Variants in PROX1 observed in about 807,000 individuals in gnomAD.
PROX1 encodes prospero homeobox protein 1.
Under a neutral mutation model 58.8 loss-of-function variants are expected in PROX1, and 7 were observed. The observed-to-expected ratio is 0.12, with a 90% CI of 0.07 to 0.22. The LOEUF is 0.22. Ranked by LOEUF, PROX1 falls within the 10% of genes least tolerant of loss-of-function variation. PROX1 has a pLI of 1.00. For synonymous variants in PROX1, 350 were observed against 358.3 expected, an observed-to-expected ratio of 0.98 and a Z score of 0.26; for missense variants, 675 against 927.8, an observed-to-expected ratio of 0.73 and a Z score of 3.54.
chr1:214,039,174 G>C lies in PROX1; in HGVS notation c.*3340G>C, dbSNP rs1484153515. On this transcript the variant is annotated 3_prime_UTR_variant, in exon 5 of 5. Transcript: ENST00000366958. ...TATCTAGATTTAAGAACCTATTTTA[G>C]ACATTTGTTATGTTTTGTGAAAAGA... 1 of 152,070 alleles carries C rather than the reference G, an allele frequency of 6.6e-6. No individual in the cohort carries two copies. Among genetic ancestry groups the C allele is most frequent in the African/African-American group, 2.4e-5 (1 of 41,406 alleles). The allele number at this position is 152,070 out of a possible 1,614,324, so 9.4% of individuals were successfully genotyped here.
At chr1:214,023,748 G>T (rs1289087697) in intron 4 of PROX1, among the ~76,000 whole-genome samples, 3 of 152,058 alleles carry the variant, frequency 2.0e-5, no homozygotes, top group African/African-American at 7.2e-5. Context: ...ATTTCTTATG[G>T]CTATTGCACC....
In PROX1 at chr1:214,011,407, C is replaced by G. The variant is rs190916215; in HGVS notation, c.1834-114C>G. On this transcript the variant is annotated intron_variant, in intron 3 of 4. Transcript: ENST00000366958. ...GCCACCATTTTGGTGGAGTTAAATA[C>G]GTATCTTTCCAAGTAAAGAAGGGAC... is the stretch of plus-strand genomic sequence containing the variant. 24 of 946,060 alleles carry G rather than the reference C, an allele frequency of 2.5e-5. No individual in the cohort carries two copies. In the Admixed American group the frequency reaches 4.0e-4, roughly 16 times the overall value. 58.6% of individuals were successfully genotyped at this position (946,060 alleles called of 1,614,324 possible). A position where few individuals can be genotyped will look rare whatever the true frequency, so the allele number is the denominator to read the frequency against.
intron 3 of PROX1, among the ~76,000 whole-genome samples, chr1:214,006,216 C>T (rs1362566809): frequency 1.3e-5 from 2 of 151,336 alleles, no homozygotes; most frequent in South Asian, 2.1e-4. Context: ...GGAGAACTCA[C>T]AAGCTGCCAA....
In PROX1 at chr1:213,997,241, C is replaced by A. The variant is rs1374427033; in HGVS notation, c.706C>A (p.Arg236Ser). The change falls in exon 2 of 5, where the codon CGC (arginine) becomes AGC (serine). Residue 236 changes from arginine to serine, a missense_variant. Around this residue, in one of 8 missense-constraint regions of PROX1, gnomAD observed 403 missense variants for 477.4 expected, o/e 0.84. Coordinates refer to ENST00000366958, the MANE Select transcript of PROX1 (RefSeq NM_001270616.2). This position sits in a 1 kb window ranked among gnomAD's most constrained non-coding sequence, Gnocchi z 7.1. ...CCGAAAAGAACAGAAGCGAGAGGAG[C>A]GCCGACAGCTGAAACAGCAGCTGGA... ...SARKEQKREE[R>S]RQLKQQLEDM... 1.9e-6 allele frequency: 3 copies of A among 1,612,430 alleles called. No individual in the cohort carries two copies. Among genetic ancestry groups the A allele is most frequent in the Non-Finnish European group, 2.5e-6 (3 of 1,179,364 alleles).
chr1:214,016,521 G>T (rs1014885140), intron 4 of PROX1, among the ~76,000 whole-genome samples: 2 of 152,014 alleles, frequency 1.3e-5, no homozygotes, highest in African/African-American at 4.8e-5. Context: ...TTAAATAATC[G>T]CATAACACAC....
At chr1:214,002,148 G>GA (rs1663538665) in intron 2 of PROX1, among the ~76,000 whole-genome samples, 1 of 152,026 alleles carries the variant, frequency 6.6e-6, no homozygotes. Flanking sequence ...AGTTTAGCTG[G>GA]AAAAAAAGAA....
chr1:214,015,719 C>A (rs1168549079), intron 4 of PROX1, among the ~76,000 whole-genome samples: 1 of 152,040 alleles, frequency 6.6e-6, no homozygotes, highest in Non-Finnish European at 1.5e-5. Context: ...GCAGAATCAT[C>A]CAAAGGTTGG....
intron 4 of PROX1, among the ~76,000 whole-genome samples, chr1:214,025,577 C>A (rs778257556): frequency 6.6e-6 from 1 of 152,150 alleles, no homozygotes; most frequent in Non-Finnish European, 1.5e-5. Flanking sequence ...ATTTTGCTGA[C>A]CACCGGCTGA....
chr1:214,023,348 T>TA (rs962529030), intron 4 of PROX1, among the ~76,000 whole-genome samples: 2 of 152,004 alleles, frequency 1.3e-5, no homozygotes, highest in African/African-American at 4.8e-5. Flanking sequence ...TTTTTTTTTT[T>TA]ATTCTTTTAT....
chr1:213,983,818 T>C (rs1662758709), upstream of PROX1: 3 of 152,154 alleles, frequency 2.0e-5, no homozygotes, highest in Admixed American at 2.0e-4. Context: ...TTTTTGTTTT[T>C]GTTTGGTTTT....
intron 4 of PROX1, among the ~76,000 whole-genome samples, chr1:214,028,432 T>C (rs534236885): frequency 1.7e-4 from 26 of 152,300 alleles, no homozygotes; most frequent in African/African-American, 6.0e-4. Flanking sequence ...AACAGGATTT[T>C]GACTCATAAT....
intron 2 of PROX1, among the ~76,000 whole-genome samples, chr1:213,998,877 T>C (rs1435137857): frequency 6.6e-6 from 1 of 152,096 alleles, no homozygotes; most frequent in Admixed American, 6.6e-5. Context: ...AGTGAGACTT[T>C]TTTTTTTAAG....
intron 1 of PROX1, among the ~76,000 whole-genome samples, chr1:213,991,826 A>G (rs1454645254): frequency 6.6e-6 from 1 of 152,220 alleles, no homozygotes; most frequent in Non-Finnish European, 1.5e-5. Flanking sequence ...CAGTGTTAAT[A>G]TAAGAAGTTT....
At chr1:214,004,043 T>G (rs1663621494) in intron 2 of PROX1, among the ~76,000 whole-genome samples, 1 of 152,232 alleles carries the variant, frequency 6.6e-6, no homozygotes, top group African/African-American at 2.4e-5. Context: ...TTAGACACTC[T>G]TCTAAAAGAA....
At chr1:214,027,233 G>A (rs1208631879) in intron 4 of PROX1, among the ~76,000 whole-genome samples, 2 of 111,904 alleles carry the variant, frequency 1.8e-5, no homozygotes, top group Non-Finnish European at 3.7e-5. Context: ...ACACCCCCTC[G>A]CACATTAACA....
At chr1:214,027,031 G>A (rs540653446) in intron 4 of PROX1, among the ~76,000 whole-genome samples, 1 of 152,294 alleles carries the variant, frequency 6.6e-6, no homozygotes, top group Admixed American at 6.5e-5. Flanking sequence ...ATGTCAAGTG[G>A]TCTGACTTGG....
Position 214,028,080 on chromosome 1 carries a change from C to T in PROX1, c.2029-7569C>T, listed in dbSNP as rs2102769288. Among the ~76,000 whole-genome samples, 4 of 152,156 alleles carry T rather than the reference C, an allele frequency of 2.6e-5. 1 individual carries two copies. In the South Asian group the frequency reaches 8.3e-4, roughly 32 times the overall value. ...TTAGACGAATCTAATCCTCAGTGTT[C>T]CTGAAAGCTGAATGCCACCTGGAGC... is the stretch of plus-strand genomic sequence containing the variant. On this transcript the variant is annotated intron_variant, in intron 4 of 4. Transcript: ENST00000366958.
rs531906067 is a variant in PROX1 at position 214,031,074 on chromosome 1, C to T, written c.2029-4575C>T. On this transcript the variant is annotated intron_variant, in intron 4 of 4. Transcript: ENST00000366958. Reference sequence around the variant, plus strand: ...GTGTGTGTGTGTGTGTGTGCGCGCGCGCGCATTCGCGCACGCACACACACG... The same window carrying T: ...GTGTGTGTGTGTGTGTGTGCGCGCGTGCGCATTCGCGCACGCACACACACG... Among the ~76,000 whole-genome samples, 93 of 149,072 alleles carry T rather than the reference C, an allele frequency of 6.2e-4. 2 individuals are homozygous for T. Among genetic ancestry groups the T allele is most frequent in the African/African-American group, 6.5e-4 (26 of 39,936 alleles).
At chr1:213,998,727 C>A (rs1290048475) in intron 2 of PROX1, among the ~76,000 whole-genome samples, 2 of 152,158 alleles carry the variant, frequency 1.3e-5, no homozygotes, top group Admixed American at 6.5e-5. Flanking sequence ...AAGAAGAATT[C>A]TCAGTGTAAA....
Sources: allele counts gnomAD v4.1 joint callset (sites outside exome capture counted in the v4.1 genomes callset), GRCh38; gene constraint gnomAD v4.1.1; regional missense constraint gnomAD v4.1.1; non-coding constraint Gnocchi (gnomAD v3.1); transcripts MANE v1.5; gene names NCBI Gene and HGNC (gene_info 2026-07-23, HGNC 2026-07-21).